The following BRD10 variants were observed in gnomAD, a reference collection of about 807,000 sequenced individuals.
BRD10 encodes uncharacterized bromodomain-containing protein 10.
chr9:6,008,453 G>A, the BRD10 span, among the ~76,000 whole-genome samples: 1 of 151,580 alleles, frequency 6.6e-6, no homozygotes, highest in Non-Finnish European at 1.5e-5. Flanking sequence ...AAAGAAAGAG[G>A]CCCTGTCGCC....
chr9:5,947,441 T>C, the BRD10 span, among the ~76,000 whole-genome samples: 3 of 152,110 alleles, frequency 2.0e-5, no homozygotes, highest in African/African-American at 7.2e-5. Context: ...AATTTCCAAA[T>C]AGGGAATGGC....
the BRD10 span, among the ~76,000 whole-genome samples, chr9:5,902,686 T>G: frequency 6.6e-6 from 1 of 151,912 alleles, no homozygotes; most frequent in Non-Finnish European, 1.5e-5. Flanking sequence ...TTTTTTTAAT[T>G]TGTAGAGACA....
At chr9:5,903,353 T>C in the BRD10 span, among the ~76,000 whole-genome samples, 1 of 152,240 alleles carries the variant, frequency 6.6e-6, no homozygotes, top group Non-Finnish European at 1.5e-5. Context: ...GAAGATTTTG[T>C]TGAGTTCCAC....
the BRD10 span, among the ~76,000 whole-genome samples, chr9:5,937,759 T>C: frequency 1.3e-5 from 2 of 152,154 alleles, no homozygotes; most frequent in Non-Finnish European, 2.9e-5. Flanking sequence ...ATTCAAACCA[T>C]CAAGCCAAAC....
At chr9:5,920,279 G>C in the BRD10 span, 1 of 1,613,980 alleles carries the variant, frequency 6.2e-7, no homozygotes, top group Non-Finnish European at 8.5e-7. Flanking sequence ...ATGGCTGCCA[G>C]CTCCAAGACC....
the BRD10 span, among the ~76,000 whole-genome samples, chr9:5,991,265 A>C: frequency 3.5e-4 from 54 of 152,114 alleles, no homozygotes; most frequent in African/African-American, 1.3e-3. Flanking sequence ...ATATGTACGC[A>C]TACATCTAGT....
chr9:5,900,358 A>C, the BRD10 span, among the ~76,000 whole-genome samples: 1 of 152,182 alleles, frequency 6.6e-6, no homozygotes, highest in Admixed American at 6.5e-5. Context: ...TGGTTTATTT[A>C]ATTTCCATAT....
the BRD10 span, among the ~76,000 whole-genome samples, chr9:5,951,625 G>A: frequency 2.0e-5 from 3 of 152,192 alleles, no homozygotes; most frequent in South Asian, 2.1e-4. Context: ...ATACCATATC[G>A]CTAGAACTTT....
At chr9:5,960,368 C>A in the BRD10 span, among the ~76,000 whole-genome samples, 4 of 152,072 alleles carry the variant, frequency 2.6e-5, no homozygotes, top group Non-Finnish European at 5.9e-5. Context: ...TCGAGACCAG[C>A]CTGGCCAACA....
the BRD10 span, chr9:5,892,535 T>TA: frequency 6.2e-7 from 1 of 1,613,396 alleles, no homozygotes; most frequent in African/African-American, 1.3e-5. Flanking sequence ...CGGCCACTCT[T>TA]ACACCACGGC....
the BRD10 span, chr9:5,892,675 T>C: frequency 6.9e-6 from 5 of 722,676 alleles, no homozygotes; most frequent in African/African-American, 9.1e-5. Flanking sequence ...GACAGTAACA[T>C]CCCTGGCAAC....
At chr9:5,942,785 A>G in the BRD10 span, among the ~76,000 whole-genome samples, 1 of 152,236 alleles carries the variant, frequency 6.6e-6, no homozygotes, top group Non-Finnish European at 1.5e-5. Flanking sequence ...GTTTAGAGAT[A>G]CAAATCAAAT....
the BRD10 span, among the ~76,000 whole-genome samples, chr9:5,961,454 AT>A: frequency 1.3e-5 from 2 of 151,858 alleles, no homozygotes; most frequent in African/African-American, 2.4e-5. Context: ...AATGATCTGA[AT>A]TTTTTTTGCT....
At chr9:5,951,962 T>C in the BRD10 span, among the ~76,000 whole-genome samples, 4 of 152,134 alleles carry the variant, frequency 2.6e-5, no homozygotes, top group African/African-American at 4.8e-5. Flanking sequence ...CCTCTCTGTT[T>C]TCTCTCCCTC....
chr9:5,884,497 A>C, the BRD10 span, among the ~76,000 whole-genome samples: 1 of 152,182 alleles, frequency 6.6e-6, no homozygotes, highest in East Asian at 1.9e-4. Flanking sequence ...AACCACTGGG[A>C]TGTCACCTTC....
chr9:5,953,722 T>C, the BRD10 span, among the ~76,000 whole-genome samples: 7 of 151,728 alleles, frequency 4.6e-5, no homozygotes, highest in Non-Finnish European at 8.8e-5. Context: ...ATATACTATA[T>C]AGTATATATA....
chr9:5,925,147 C>G, the BRD10 span, among the ~76,000 whole-genome samples: 1 of 151,734 alleles, frequency 6.6e-6, no homozygotes, highest in African/African-American at 2.4e-5. Context: ...CCTCTTGAGC[C>G]CAGGAGTTTG....
At chr9:5,990,619 A>C in the BRD10 span, among the ~76,000 whole-genome samples, 1 of 152,240 alleles carries the variant, frequency 6.6e-6, no homozygotes, top group East Asian at 1.9e-4. Context: ...ATTACTCATC[A>C]GAAATTAAAA....
chr9:5,901,831 A>T, the BRD10 span, among the ~76,000 whole-genome samples: 1 of 152,148 alleles, frequency 6.6e-6, no homozygotes, highest in Non-Finnish European at 1.5e-5. Context: ...CTGATTTCTC[A>T]ATATTGAACC....
Sources: allele counts gnomAD v4.1 joint callset (sites outside exome capture counted in the v4.1 genomes callset), GRCh38; gene constraint gnomAD v4.1.1; transcripts MANE v1.5; gene names NCBI Gene and HGNC (gene_info 2026-07-23, HGNC 2026-07-21).